The following OPCML variants were observed in gnomAD, a reference collection of about 807,000 sequenced individuals.
OPCML encodes the protein opioid binding protein/cell adhesion molecule like.
A neutral mutation model predicts 37.8 loss-of-function variants in OPCML; 13 were observed. The ratio of observed to expected loss-of-function variants is 0.34; its 90% CI spans 0.22 to 0.55. The LOEUF (loss-of-function observed/expected upper bound fraction) is 0.55, where lower values mean the gene tolerates loss of function less well. OPCML is among the 20% of genes least tolerant of loss of function. The probability of loss-of-function intolerance (pLI) is 0.91; values close to 1 mark genes in which losing one functional copy is unlikely to be tolerated. For synonymous variants in OPCML, 176 were observed against 168.8 expected, an observed-to-expected ratio of 1.04 and a Z score of -0.33; for missense variants, 341 against 435.6, an observed-to-expected ratio of 0.78 and a Z score of 1.93.
chr11:132,962,945 G>A (rs1421132532), intron 1 of OPCML, among the ~76,000 whole-genome samples: 2 of 152,184 alleles, frequency 1.3e-5, no homozygotes, highest in African/African-American at 2.4e-5. Flanking sequence ...AACAGAGACT[G>A]TTTTCTCTGC....
chr11:132,436,440 C>G (rs1265570688), intron 6 of OPCML: 1 of 951,846 alleles, frequency 1.1e-6, no homozygotes, highest in Non-Finnish European at 1.3e-6. Context: ...ATGTCTACAA[C>G]CAGTCTCAGA....
chr11:133,027,950 T>C (rs1416367504), intron 1 of OPCML, among the ~76,000 whole-genome samples: 1 of 151,272 alleles, frequency 6.6e-6, no homozygotes, highest in African/African-American at 2.4e-5. Context: ...CAGCAAAGTA[T>C]CAATGTGCTT....
At chr11:133,312,087 T>C (rs549187439) in intron 1 of OPCML, among the ~76,000 whole-genome samples, 1 of 152,292 alleles carries the variant, frequency 6.6e-6, no homozygotes, top group Non-Finnish European at 1.5e-5. Context: ...ATAAAATATA[T>C]ACATAATCAA....
intron 1 of OPCML, among the ~76,000 whole-genome samples, chr11:133,156,685 A>G (rs1040254292): frequency 6.6e-6 from 1 of 152,230 alleles, no homozygotes; most frequent in African/African-American, 2.4e-5. Context: ...AAGAATTATG[A>G]AGAAAATCCA....
intron 2 of OPCML, among the ~76,000 whole-genome samples, chr11:132,725,844 A>AAC (rs1944861498): frequency 2.0e-5 from 3 of 152,100 alleles, no homozygotes; most frequent in Non-Finnish European, 4.4e-5. Flanking sequence ...TCTCACGTTC[A>AAC]AAGTTCCACA....
intron 1 of OPCML, among the ~76,000 whole-genome samples, chr11:133,039,749 G>C (rs1051152156): frequency 6.6e-6 from 1 of 152,098 alleles, no homozygotes; most frequent in Non-Finnish European, 1.5e-5. Flanking sequence ...CGAAAGCAAG[G>C]CTCCTCATTC....
chr11:133,376,552 A>G (rs1303106266), intron 1 of OPCML, among the ~76,000 whole-genome samples: 2 of 152,232 alleles, frequency 1.3e-5, no homozygotes, highest in African/African-American at 4.8e-5. Flanking sequence ...TATTATACAT[A>G]TACATTGTTT....
At chr11:133,431,352 C>T (rs1426895889) in intron 1 of OPCML, among the ~76,000 whole-genome samples, 1 of 152,102 alleles carries the variant, frequency 6.6e-6, no homozygotes, top group Non-Finnish European at 1.5e-5. Flanking sequence ...AATTATCTGT[C>T]TTTTGAGAGA....
chr11:133,096,855 C>CTG (rs1159715995), intron 1 of OPCML, among the ~76,000 whole-genome samples: 1 of 152,072 alleles, frequency 6.6e-6, no homozygotes, highest in Non-Finnish European at 1.5e-5. Flanking sequence ...GCAATCTTTA[C>CTG]TGTGTGTGCA....
At chr11:133,109,193 T>C (rs961120488) in intron 1 of OPCML, among the ~76,000 whole-genome samples, 43 of 152,196 alleles carry the variant, frequency 2.8e-4, no homozygotes, top group Admixed American at 6.5e-5. Flanking sequence ...GTGGTCTTCC[T>C]GACTTCAACA....
chr11:132,702,266 TCAG>T, intron 2 of OPCML, among the ~76,000 whole-genome samples: 1 of 152,300 alleles, frequency 6.6e-6, no homozygotes, highest in African/African-American at 2.4e-5. Context: ...ATGAACTCCC[TCAG>T]TTTTTTGTTT....
intron 4 of OPCML, among the ~76,000 whole-genome samples, chr11:132,469,794 A>AGGGGTGTGTGTGTGGG (rs2096131355): frequency 4.2e-5 from 1 of 24,006 alleles, no homozygotes; most frequent in African/African-American, 1.4e-4. Flanking sequence ...GTGTGTGTGG[A>AGGGGTGTGTGTGTGGG]GGGGTGTGTG....
chr11:132,510,030 G>A (rs1331235013), intron 4 of OPCML, among the ~76,000 whole-genome samples: 2 of 152,190 alleles, frequency 1.3e-5, no homozygotes, highest in Non-Finnish European at 2.9e-5. Flanking sequence ...AACCCACAGA[G>A]GCAGAGCTGC....
intron 2 of OPCML, among the ~76,000 whole-genome samples, chr11:132,829,303 A>G (rs1940546881): frequency 6.6e-6 from 1 of 152,240 alleles, no homozygotes; most frequent in South Asian, 2.1e-4. Context: ...ATCATATGCT[A>G]AGTGTCTCAT....
At chr11:132,797,613 T>C (rs759020523) in intron 2 of OPCML, among the ~76,000 whole-genome samples, 14 of 152,374 alleles carry the variant, frequency 9.2e-5, no homozygotes, top group Non-Finnish European at 1.9e-4. Flanking sequence ...GCAAATAAAA[T>C]TTATGTTTAT....
At chr11:132,927,033 A>G (rs985201751) in intron 2 of OPCML, among the ~76,000 whole-genome samples, 3 of 152,260 alleles carry the variant, frequency 2.0e-5, no homozygotes, top group East Asian at 3.9e-4. Context: ...AAGAAATGGG[A>G]ATAAAGCCTA....
intron 1 of OPCML, among the ~76,000 whole-genome samples, chr11:133,237,934 A>G (rs1476417040): frequency 6.6e-6 from 1 of 152,210 alleles, no homozygotes; most frequent in Non-Finnish European, 1.5e-5. Flanking sequence ...GCTACTCTTT[A>G]TTGCGTTATT....
At chr11:133,286,138 C>T (rs1942289439) in intron 1 of OPCML, among the ~76,000 whole-genome samples, 1 of 152,078 alleles carries the variant, frequency 6.6e-6, no homozygotes, top group South Asian at 2.1e-4. Context: ...AAATCCATGT[C>T]TCCAGACACA....
chr11:133,445,988 G>T (rs991009505), intron 1 of OPCML, among the ~76,000 whole-genome samples: 3 of 152,134 alleles, frequency 2.0e-5, no homozygotes, highest in Non-Finnish European at 4.4e-5. Context: ...GATCTAAAAG[G>T]GGGTCAAAAA....
Sources: gnomAD v4.1 joint callset for allele counts (sites outside exome capture counted in the v4.1 genomes callset) on GRCh38, gnomAD v4.1.1 for gene constraint, MANE v1.5 for transcripts, NCBI Gene and HGNC (gene_info 2026-07-23, HGNC 2026-07-21) for gene names.